Variants in PIWIL2 observed in about 807,000 individuals in gnomAD.
PIWIL2 encodes piwi-like protein 2.
PIWIL2 carries 81 observed loss-of-function variants against 116.5 expected under a neutral mutation model. The observed-to-expected ratio is 0.70, with a 90% confidence interval of 0.58 to 0.84. The LOEUF (loss-of-function observed/expected upper bound fraction) is 0.84, where lower values mean the gene tolerates loss of function less well. Ranked by LOEUF, PIWIL2 falls within the 40% of genes least tolerant of loss-of-function variation. The pLI is 0.00. For missense variants in PIWIL2, 1,272 were observed against 1,212.3 expected, an observed-to-expected ratio of 1.05 and a Z score of -0.73; for synonymous variants, 489 against 429.5, an observed-to-expected ratio of 1.14 and a Z score of -1.71.
intron 1 of PIWIL2, 109 bp from the exon 2 acceptor site, chr8:22,279,232 C>T (rs1161920376): frequency 1.6e-6 from 1 of 631,290 alleles, no homozygotes; most frequent in East Asian, 2.8e-5. Context: ...TTGTAGAAGG[C>T]TAGGCGTGTT....
intron 16 of PIWIL2, among the ~76,000 whole-genome samples, chr8:22,313,364 C>G (rs1385522025): frequency 6.6e-6 from 1 of 152,174 alleles, no homozygotes; most frequent in East Asian, 1.9e-4. Flanking sequence ...CAAAATGATT[C>G]TTAATGTGCT....
At position 22,323,437 on chromosome 8, in the gene PIWIL2, C is replaced by T. The variant is rs1563402118; in HGVS notation, c.2403+5162C>T. On this transcript the variant is annotated intron_variant, in intron 20 of 22. Transcript: ENST00000356766. Reference sequence around the variant, plus strand: ...CTGGGATTATAGGCATGAGCTACCGCGCCCAGCCAGTCTTGATCTCTTGAC... The same window carrying T: ...CTGGGATTATAGGCATGAGCTACCGTGCCCAGCCAGTCTTGATCTCTTGAC... 3.3e-5 allele frequency among the ~76,000 whole-genome samples: 5 copies of T among 152,124 alleles called. No individual in the cohort carries two copies. The South Asian group carries it at 6.2e-4, about 19-fold the overall frequency.
intron 20 of PIWIL2, among the ~76,000 whole-genome samples, chr8:22,345,816 G>A (rs1832214163): frequency 1.3e-5 from 2 of 152,126 alleles, no homozygotes; most frequent in Non-Finnish European, 2.9e-5. Flanking sequence ...CTGTGAAAAC[G>A]TTATGTTTAG....
Position 22,304,226 on chromosome 8 carries a change from G to A in PIWIL2, c.1370+17G>A, listed in dbSNP as rs1333273190. The A allele has an allele frequency of 1.3e-6, 2 of 1,592,298 alleles. No individual in the cohort carries two copies. The highest frequency in any genetic ancestry group is 2.2e-5 in the East Asian group (1 of 44,734). ...ATACTACAGGTAGCAAGAAGAGACT[G>A]GGTTTGGGCCTCAGGGTGGGGGTTG... On this transcript the variant is annotated intron_variant, in intron 11 of 22. Transcript: ENST00000356766.
chr8:22,326,655 T>A (rs1409662753), intron 20 of PIWIL2, among the ~76,000 whole-genome samples: 1 of 152,262 alleles, frequency 6.6e-6, no homozygotes, highest in African/African-American at 2.4e-5. Context: ...TTATCTGTGT[T>A]GTAGCATATA....
chr8:22,313,867 A>G (rs1296281418), intron 16 of PIWIL2, among the ~76,000 whole-genome samples: 1 of 152,178 alleles, frequency 6.6e-6, no homozygotes, highest in African/African-American at 2.4e-5. Flanking sequence ...TCCAGTTTGC[A>G]TTTAGTTCTG....
In PIWIL2 at chr8:22,301,491, A is replaced by G. The variant is rs577079533; in HGVS notation, c.1182-2530A>G. On this transcript the variant is annotated intron_variant, in intron 10 of 22. Coordinates refer to ENST00000356766, the MANE Select transcript of PIWIL2 (RefSeq NM_018068.5). ...GTACTTTTAGTAGAGATGGGGTTTC[A>G]CCATGTTGCCCAGGCTTGTCTCTAA... 3.3e-4 allele frequency among the ~76,000 whole-genome samples: 50 copies of G among 151,926 alleles called. 1 individual carries two copies. Among genetic ancestry groups the G allele is most frequent in the African/African-American group, 1.2e-3 (49 of 41,436 alleles).
At chr8:22,334,266 C>T (rs534138262) in intron 20 of PIWIL2, among the ~76,000 whole-genome samples, 17 of 151,916 alleles carry the variant, frequency 1.1e-4, no homozygotes, top group Admixed American at 4.6e-4. Flanking sequence ...TGAGACACCA[C>T]GCCTGGCCCT....
chr8:22,300,451 A>G (rs1038871027), intron 10 of PIWIL2, among the ~76,000 whole-genome samples: 1 of 152,174 alleles, frequency 6.6e-6, no homozygotes, highest in Non-Finnish European at 1.5e-5. Context: ...TGTTACAAAT[A>G]AAGTTGCTAT....
Position 22,287,591 on chromosome 8 carries a change from C to A in PIWIL2, c.807C>A (p.Gly269=). Residue 269 remains glycine, a synonymous_variant, in exon 7 of 23, where the codon GGC becomes GGA. Coordinates refer to ENST00000356766, the MANE Select transcript of PIWIL2 (RefSeq NM_018068.5). ...GMLKDHQAVT[G]NVTAFDGSIL... ...TGAAGGACCATCAAGCTGTCACCGG[C>A]AACGTCACTGCGTTTGATGGATCTA... The A allele has an allele frequency of 6.2e-7, 1 of 1,613,786 alleles. No homozygotes were observed. The highest frequency in any genetic ancestry group is 8.5e-7 in the Non-Finnish European group (1 of 1,179,666).
intron 10 of PIWIL2, among the ~76,000 whole-genome samples, chr8:22,294,609 C>T (rs1830844963): frequency 7.1e-6 from 1 of 140,002 alleles, no homozygotes; most frequent in African/African-American, 2.7e-5. Flanking sequence ...CCAGTGCACT[C>T]CAGCCTGGGC....
chr8:22,293,258 A>T (rs898046767), intron 10 of PIWIL2, among the ~76,000 whole-genome samples: 1 of 151,998 alleles, frequency 6.6e-6, no homozygotes, highest in Non-Finnish European at 1.5e-5. Context: ...GCAATGTGCT[A>T]TGGTAGTGCT....
chr8:22,343,059 G>A (rs1439722007), intron 20 of PIWIL2, among the ~76,000 whole-genome samples: 2 of 151,978 alleles, frequency 1.3e-5, no homozygotes, highest in Non-Finnish European at 2.9e-5. Context: ...ATGAGGCCAG[G>A]AGTTTGAGAC....
At position 22,326,416 on chromosome 8, in the gene PIWIL2, G is replaced by T. The variant is rs531163985; in HGVS notation, c.2403+8141G>T. Among the ~76,000 whole-genome samples the T allele has an allele frequency of 9.2e-5, 14 of 152,184 alleles. No homozygotes were observed. The East Asian group carries it at 2.3e-3, about 25-fold the overall frequency. ...ACATGCCTGTAGTCCCAGGTACTTG[G>T]GGGGCTGAGGTAAGAGGATCTCTAG... On this transcript the variant is annotated intron_variant, in intron 20 of 22. Transcript: ENST00000356766.
chr8:22,349,415 G>GTA (rs540224852), intron 20 of PIWIL2, among the ~76,000 whole-genome samples: 3,762 of 134,564 alleles, frequency 0.028, 71 homozygotes, highest in East Asian at 0.083. Context: ...ATATATGTGT[G>GTA]TGTGTATATA....
chr8:22,308,428 G>A (rs1398076268), intron 14 of PIWIL2, among the ~76,000 whole-genome samples: 3 of 152,028 alleles, frequency 2.0e-5, no homozygotes, highest in Non-Finnish European at 2.9e-5. Flanking sequence ...TGAGGCAGGT[G>A]GATCACCTTA....
At chr8:22,288,977 T>A (rs913497302) in intron 8 of PIWIL2, among the ~76,000 whole-genome samples, 4 of 152,164 alleles carry the variant, frequency 2.6e-5, no homozygotes, top group Non-Finnish European at 5.9e-5. Flanking sequence ...ACAAGGGGGC[T>A]ACTTAAAGAG....
intron 20 of PIWIL2, among the ~76,000 whole-genome samples, chr8:22,319,965 C>T (rs534736504): frequency 6.6e-6 from 1 of 152,214 alleles, no homozygotes; most frequent in African/African-American, 2.4e-5. Context: ...ATTGCTGTGG[C>T]TATTTTCTTT....
intron 20 of PIWIL2, among the ~76,000 whole-genome samples, chr8:22,322,511 G>T (rs573499259): frequency 6.6e-6 from 1 of 151,994 alleles, no homozygotes; most frequent in Non-Finnish European, 1.5e-5. Context: ...CAAGCTATCC[G>T]CCTACTCAGC....
Sources: gnomAD v4.1 joint callset for allele counts (sites outside exome capture counted in the v4.1 genomes callset) on GRCh38, gnomAD v4.1.1 for gene constraint, MANE v1.5 for transcripts, NCBI Gene and HGNC (gene_info 2026-07-23, HGNC 2026-07-21) for gene names.